EBF1: variants seen among roughly 807,000 people sequenced by gnomAD.
EBF1 encodes the protein EBF transcription factor 1.
A neutral mutation model predicts 68.4 loss-of-function variants in EBF1; 10 were observed. That is an observed-to-expected ratio of 0.15 (90% CI 0.09 to 0.25). The LOEUF is 0.25. Ranked by LOEUF, EBF1 falls within the 10% of genes least tolerant of loss-of-function variation. The pLI is 1.00. For missense variants in EBF1, 509 were observed against 794.4 expected (o/e 0.64, Z 4.32); for synonymous variants, 298 against 299.8 (o/e 0.99, Z 0.06).
chr5:158,990,955 C>A (rs1239653240), intron 6 of EBF1, among the ~76,000 whole-genome samples: 1 of 152,142 alleles, frequency 6.6e-6, no homozygotes, highest in African/African-American at 2.4e-5. Flanking sequence ...TATATAAGAA[C>A]TACACTAATG....
chr5:158,909,956 TAAAAAAA>T (rs59274919), intron 6 of EBF1, among the ~76,000 whole-genome samples: 3 of 46,730 alleles, frequency 6.4e-5, no homozygotes, highest in African/African-American at 1.5e-4. Flanking sequence ...ACTCTGTCTA[TAAAAAAA>T]AAAAAAAAAA....
chr5:158,839,354 C>T (rs1023070151), intron 7 of EBF1, among the ~76,000 whole-genome samples: 2 of 152,046 alleles, frequency 1.3e-5, no homozygotes, highest in African/African-American at 4.8e-5. Flanking sequence ...ACCAGTTGTA[C>T]TCTTTACTGT....
intron 6 of EBF1, among the ~76,000 whole-genome samples, chr5:158,894,293 C>A (rs1491004298): frequency 2.6e-5 from 4 of 151,732 alleles, no homozygotes; most frequent in Non-Finnish European, 5.9e-5. Flanking sequence ...TATTTTGGAT[C>A]TTTTTTCAAG....
chr5:158,949,892 C>T (rs1039184643), intron 6 of EBF1, among the ~76,000 whole-genome samples: 12 of 152,184 alleles, frequency 7.9e-5, no homozygotes, highest in Admixed American at 1.3e-4. Context: ...TGGTAACCAC[C>T]GCTCCCTAGC....
At chr5:158,922,703 T>C (rs181576431) in intron 6 of EBF1, among the ~76,000 whole-genome samples, 1 of 152,302 alleles carries the variant, frequency 6.6e-6, no homozygotes, top group East Asian at 1.9e-4. Context: ...AAAAATTAAG[T>C]CTCCAGTTAC....
At chr5:158,715,989 T>C (rs1760606203) in intron 11 of EBF1, among the ~76,000 whole-genome samples, 1 of 152,314 alleles carries the variant, frequency 6.6e-6, no homozygotes, top group South Asian at 2.1e-4. Context: ...CTTTCCATTT[T>C]AGGGGGGAAA....
chr5:159,055,212 T>C (rs1266897029), intron 6 of EBF1, among the ~76,000 whole-genome samples: 1 of 152,194 alleles, frequency 6.6e-6, no homozygotes, highest in Non-Finnish European at 1.5e-5. Context: ...CTTAAGCACA[T>C]GTTTAATAAT....
intron 6 of EBF1, among the ~76,000 whole-genome samples, chr5:158,855,183 T>A (rs1254315562): frequency 6.6e-6 from 1 of 152,228 alleles, no homozygotes; most frequent in Non-Finnish European, 1.5e-5. Context: ...CAAAAACAGG[T>A]ATTCAAACTT....
chr5:158,914,747 G>A (rs193044069), intron 6 of EBF1, among the ~76,000 whole-genome samples: 62 of 152,286 alleles, frequency 4.1e-4, no homozygotes, highest in Non-Finnish European at 7.3e-4. Flanking sequence ...TGCCAGTACC[G>A]AGTGCCAAAA....
intron 6 of EBF1, among the ~76,000 whole-genome samples, chr5:158,975,868 G>T (rs962981213): frequency 6.6e-6 from 1 of 152,198 alleles, no homozygotes; most frequent in African/African-American, 2.4e-5. Flanking sequence ...AGCTGGGTTT[G>T]ATTAGGACAG....
chr5:159,010,249 C>T (rs760782057), intron 6 of EBF1, among the ~76,000 whole-genome samples: 1 of 152,150 alleles, frequency 6.6e-6, no homozygotes, highest in Non-Finnish European at 1.5e-5. Flanking sequence ...CAGACACAGA[C>T]AGAGGAATGT....
At chr5:158,978,305 A>G (rs904042545) in intron 6 of EBF1, among the ~76,000 whole-genome samples, 8 of 152,256 alleles carry the variant, frequency 5.3e-5, no homozygotes, top group Non-Finnish European at 1.0e-4. Flanking sequence ...CCTGTCAGTC[A>G]GGGGCCAGGC....
At chr5:159,060,805 G>T (rs1375191960) in intron 6 of EBF1, among the ~76,000 whole-genome samples, 1 of 152,070 alleles carries the variant, frequency 6.6e-6, no homozygotes, top group Non-Finnish European at 1.5e-5. Context: ...CCTCCAATTG[G>T]TTCTATTAAG....
At chr5:158,916,345 A>C (rs938912349) in intron 6 of EBF1, among the ~76,000 whole-genome samples, 13 of 152,170 alleles carry the variant, frequency 8.5e-5, no homozygotes, top group Admixed American at 3.9e-4. Context: ...TTCTGGGAAA[A>C]TGGCAGAGTC....
chr5:158,840,873 G>A (rs1254345632), intron 6 of EBF1, among the ~76,000 whole-genome samples: 5 of 150,808 alleles, frequency 3.3e-5, no homozygotes, highest in Admixed American at 1.3e-4. Flanking sequence ...GGGTTTCACC[G>A]TTTTAGCCGG....
intron 6 of EBF1, among the ~76,000 whole-genome samples, chr5:158,909,035 A>T (rs1016859992): frequency 3.9e-5 from 6 of 152,172 alleles, no homozygotes; most frequent in Non-Finnish European, 7.4e-5. Flanking sequence ...TGTGAAACAC[A>T]AGCTGTGACC....
intron 15 of EBF1, among the ~76,000 whole-genome samples, chr5:158,703,714 C>A (rs1428604669): frequency 6.6e-6 from 1 of 152,106 alleles, no homozygotes; most frequent in African/African-American, 2.4e-5. Flanking sequence ...CTACTGGTCA[C>A]CGCATGTTAT....
intron 6 of EBF1, among the ~76,000 whole-genome samples, chr5:159,059,619 A>G (rs1775426174): frequency 6.6e-6 from 1 of 152,222 alleles, no homozygotes; most frequent in Non-Finnish European, 1.5e-5. Flanking sequence ...AATTATAGGA[A>G]TTAAGGAATT....
intron 10 of EBF1, among the ~76,000 whole-genome samples, chr5:158,768,546 T>C (rs1773236676): frequency 6.6e-6 from 1 of 152,160 alleles, no homozygotes; most frequent in Non-Finnish European, 1.5e-5. Flanking sequence ...ATTTTAATTA[T>C]GTTTTATTGG....
Sources: allele counts gnomAD v4.1 joint callset (sites outside exome capture counted in the v4.1 genomes callset), GRCh38; gene constraint gnomAD v4.1.1; transcripts MANE v1.5; gene names NCBI Gene and HGNC (gene_info 2026-07-23, HGNC 2026-07-21).